GNB4: variants seen among roughly 807,000 people sequenced by gnomAD.
The protein encoded by GNB4 is guanine nucleotide-binding protein subunit beta-4.
In GNB4, 28 loss-of-function variants were observed where a neutral mutation model predicts 45.2. That is an observed-to-expected ratio of 0.62 (90% confidence interval 0.46 to 0.85). GNB4 has a LOEUF of 0.85. Ranked by LOEUF, GNB4 falls within the 40% of genes least tolerant of loss-of-function variation. GNB4 has a pLI of 0.00. For missense variants in GNB4, 321 were observed against 425.4 expected (o/e 0.75, Z 2.16); for synonymous variants, 132 against 143.7 (o/e 0.92, Z 0.58).
chr3:179,397,391 A>G lies in GNB4; in HGVS notation c.*3822T>C, dbSNP rs1353676909. The G allele has an allele frequency of 6.6e-6, 1 of 152,218 alleles. No individual in the cohort carries two copies. The highest frequency in any genetic ancestry group is 2.4e-5 in the African/African-American group (1 of 41,446). The allele number at this position is 152,218 out of a possible 1,614,324, so 9.4% of individuals were successfully genotyped here. ...ATAAAAGTTTCATTTTGTCACCTTA[A>G]GTCAAGATCCATTTATCTATTAATA... On this transcript the variant is annotated 3_prime_UTR_variant, in exon 10 of 10. Transcript: ENST00000232564.
At chr3:179,505,361 T>C in the GNB4 span, among the ~76,000 whole-genome samples, 1 of 152,242 alleles carries the variant, frequency 6.6e-6, no homozygotes, top group African/African-American at 2.4e-5. Context: ...TGAAACTGTG[T>C]GACAGATAGT....
intron 1 of GNB4, among the ~76,000 whole-genome samples, chr3:179,428,111 G>GAA (rs1715199219): frequency 6.6e-6 from 1 of 152,092 alleles, no homozygotes; most frequent in Admixed American, 6.5e-5. Flanking sequence ...AAAAAGAAAA[G>GAA]AAAAACCAGT....
chr3:179,464,903 A>G, the GNB4 span: 3 of 1,500,526 alleles, frequency 2.0e-6, no homozygotes, highest in East Asian at 2.3e-5. Context: ...AATTAAGCGA[A>G]CTGACATTCC....
chr3:179,486,265 C>T, the GNB4 span, among the ~76,000 whole-genome samples: 2 of 150,646 alleles, frequency 1.3e-5, no homozygotes, highest in African/African-American at 4.9e-5. Context: ...CTGTAATTTG[C>T]CTTTCCTCCA....
At position 179,401,321 on chromosome 3, in the gene GNB4, T is replaced by C. The variant is rs1230483999; in HGVS notation, c.917-2A>G. On this transcript the variant is annotated splice_acceptor_variant, in intron 9 of 9. Coordinates refer to ENST00000232564, the MANE Select transcript of GNB4 (RefSeq NM_021629.4). LOFTEE classifies it high-confidence loss of function. Reference sequence around the variant, plus strand: ...GGTTGTCATGACCAGCAAGGACACCTGAAAAAAAAATTCAGTAAAAAATTG... The same window carrying C: ...GGTTGTCATGACCAGCAAGGACACCCGAAAAAAAAATTCAGTAAAAAATTG... 1.2e-6 allele frequency: 2 copies of C among 1,602,048 alleles called. No homozygotes were observed. The highest frequency in any genetic ancestry group is 1.3e-5 in the African/African-American group (1 of 74,304).
At chr3:179,454,831 ACCC>A (rs1236018942), upstream of GNB4, among the ~76,000 whole-genome samples, 345 of 152,274 alleles carry the variant, frequency 2.3e-3, no homozygotes, top group Non-Finnish European at 4.0e-3. Context: ...ATTTTATTTC[ACCC>A]ACAACAAAAT....
chr3:179,451,900 T>C (rs1043443589), upstream of GNB4, among the ~76,000 whole-genome samples: 1 of 152,148 alleles, frequency 6.6e-6, no homozygotes, highest in Non-Finnish European at 1.5e-5. Context: ...GAATTCTAAA[T>C]GTCAGAAAGT....
At chr3:179,407,865 A>C (rs987157902) in intron 8 of GNB4, among the ~76,000 whole-genome samples, 1 of 152,238 alleles carries the variant, frequency 6.6e-6, no homozygotes, top group African/African-American at 2.4e-5. Flanking sequence ...GGAAAACCTC[A>C]TAATAACCTC....
chr3:179,464,564 C>A, the GNB4 span: 1 of 1,543,314 alleles, frequency 6.5e-7, no homozygotes, highest in Non-Finnish European at 9.0e-7. Flanking sequence ...TGAGCATGAT[C>A]CTGGTTGGCG....
the GNB4 span, among the ~76,000 whole-genome samples, chr3:179,489,009 A>ATATAT: frequency 6.7e-4 from 25 of 37,368 alleles, 3 homozygotes; most frequent in African/African-American, 2.9e-3. Context: ...AAAAAAAAAA[A>ATATAT]AAAAAAAAAA....
chr3:179,475,097 CTTTAT>C, the GNB4 span, among the ~76,000 whole-genome samples: 38 of 151,806 alleles, frequency 2.5e-4, no homozygotes, highest in Non-Finnish European at 4.3e-4. Flanking sequence ...GCCAAACTCG[CTTTAT>C]TTTATTTTTA....
upstream of GNB4, among the ~76,000 whole-genome samples, chr3:179,452,801 T>C (rs1048764457): frequency 2.0e-5 from 3 of 152,206 alleles, no homozygotes; most frequent in African/African-American, 7.2e-5. Context: ...ATGCCAAATA[T>C]TCTGCATATC....
intron 4 of GNB4, among the ~76,000 whole-genome samples, chr3:179,418,470 C>CAA (rs386356535): frequency 0.1 from 9,657 of 93,892 alleles, 345 homozygotes; most frequent in Non-Finnish European, 0.13. Context: ...AACTCTGTCT[C>CAA]AAAAAAAAAA....
chr3:179,415,723 CTAAAA>C lies in GNB4; in HGVS notation c.268-681_268-677del, dbSNP rs1714780309. Among the ~76,000 whole-genome samples, 3 of 152,112 alleles carry C rather than the reference CTAAAA, an allele frequency of 2.0e-5. No homozygotes were observed. The South Asian group carries it at 6.2e-4, about 32-fold the overall frequency. ...GATTACTACTATGCTCTCACTTAAC[CTAAAA>C]TAATACGCTTAAAATACATTTTTTT... On this transcript the variant is annotated intron_variant, in intron 5 of 9. Transcript: ENST00000232564.
rs1235653921 is a variant in GNB4 at position 179,419,047 on chromosome 3, A to T, written c.203+352T>A. Among the ~76,000 whole-genome samples the T allele has an allele frequency of 2.0e-5, 3 of 152,332 alleles. No homozygotes were observed. The East Asian group carries it at 5.8e-4, about 29-fold the overall frequency. On this transcript the variant is annotated intron_variant, in intron 4 of 9. Coordinates refer to ENST00000232564, the MANE Select transcript of GNB4 (RefSeq NM_021629.4). ...TAACAAACTATAGCAATATCCAAAA[A>T]CTTGCACATAGGTGTTCAATACGTA...
intron 1 of GNB4, 165 bp downstream of exon 1, chr3:179,451,181 G>A (rs939117825): frequency 1.3e-5 from 2 of 151,698 alleles, no homozygotes; most frequent in African/African-American, 2.4e-5. Context: ...CGTCCCTCCC[G>A]GGCAGCGTCG....
At chr3:179,466,136 G>A in the GNB4 span, among the ~76,000 whole-genome samples, 1 of 151,136 alleles carries the variant, frequency 6.6e-6, no homozygotes, top group African/African-American at 2.4e-5. Context: ...TCAGCCTCCT[G>A]AGCAGCTGGG....
chr3:179,405,094 C>T, intron 9 of GNB4, 96 bp downstream of exon 9: 1 of 821,826 alleles, frequency 1.2e-6, no homozygotes, highest in South Asian at 1.9e-5. Flanking sequence ...CCACTTTCCA[C>T]AACTCCAAGA....
upstream of GNB4, chr3:179,451,555 C>CGCG (rs1715878353): frequency 6.7e-6 from 1 of 150,368 alleles, no homozygotes; most frequent in Non-Finnish European, 1.5e-5. Flanking sequence ...AGGCGCGAGG[C>CGCG]ACGAGGCGCG....
Sources: gnomAD v4.1 joint callset for allele counts (sites outside exome capture counted in the v4.1 genomes callset) on GRCh38, gnomAD v4.1.1 for gene constraint, MANE v1.5 for transcripts, NCBI Gene and HGNC (gene_info 2026-07-23, HGNC 2026-07-21) for gene names.